The following MORC2 variants were observed in gnomAD, a reference collection of about 807,000 sequenced individuals.
The protein encoded by MORC2 is MORC family CW-type zinc finger 2, also known as ATPase MORC2.
A neutral mutation model predicts 136.0 loss-of-function variants in MORC2; 30 were observed. The ratio of observed to expected loss-of-function variants is 0.22; its 90% CI spans 0.17 to 0.30. MORC2 has a LOEUF of 0.30. Among genes scored for constraint, MORC2 ranks in the 10% least tolerant of loss-of-function variants. The pLI is 1.00. For synonymous variants in MORC2, 439 were observed against 487.0 expected (o/e 0.90, Z 1.30); for missense variants, 922 against 1,333.1 (o/e 0.69, Z 4.80).
intron 16 of MORC2, 42 bp downstream of exon 16, chr22:30,936,890 G>T (rs1245102554): frequency 6.4e-7 from 1 of 1,565,058 alleles, no homozygotes; most frequent in Non-Finnish European, 8.8e-7. Flanking sequence ...AGGGGCAGGG[G>T]AGAAAAGTAC....
rs748310325 is a variant in MORC2 at position 30,934,867 on chromosome 22, A to C, written c.2107T>G (p.Ser703Ala). 6 of 1,614,002 alleles carry C rather than the reference A, an allele frequency of 3.7e-6. No homozygotes were observed. In the South Asian group the frequency reaches 6.6e-5, roughly 18 times the overall value. Reference protein sequence around the residue: ...QQLSPSLLPNSKSPREVPSPK... With the variant: ...QQLSPSLLPNAKSPREVPSPK... ...GAAGGAACCTCCCGAGGGCTCTTGG[A>C]GTTGGGCAGTAAAGATGGTGACAGT... The change falls in exon 19 of 26, where the codon TCC becomes GCC. Residue 703 changes from serine to alanine, a missense_variant. This residue lies in a region of MORC2 where 184 missense variants were observed against 180.3 expected (regional missense o/e 1.02). Coordinates refer to ENST00000397641, the MANE Select transcript of MORC2 (RefSeq NM_001303256.3). This position sits in a 1 kb window ranked among gnomAD's most constrained non-coding sequence, Gnocchi z 4.4.
chr22:30,930,595 A>T (rs944717268), intron 24 of MORC2, among the ~76,000 whole-genome samples: 2 of 152,178 alleles, frequency 1.3e-5, no homozygotes, highest in African/African-American at 4.8e-5. Flanking sequence ...TTCATTTCAC[A>T]TTTTAAAAAG....
chr22:30,941,594 G>C lies in MORC2; in HGVS notation c.699-36C>G, dbSNP rs1569194929. The C allele has an allele frequency of 6.2e-7, 1 of 1,602,802 alleles. No homozygotes were observed. The highest frequency in any genetic ancestry group is 2.2e-5 in the East Asian group (1 of 44,566). ...CAAAAACAGAGAAGTGCTGTCACCT[G>C]CTCCACAACAGGCCTGACCAAGGGC... On this transcript the variant is annotated intron_variant, in intron 8 of 25. Transcript: ENST00000397641. This position sits in a 1 kb window ranked among gnomAD's most constrained non-coding sequence, Gnocchi z 4.6.
Position 30,957,761 on chromosome 22 carries a change from T to C in MORC2, c.122+880A>G, listed in dbSNP as rs549845393. On this transcript the variant is annotated intron_variant, in intron 2 of 25. Transcript: ENST00000397641. The stretch of plus-strand genomic sequence containing the variant: ...ACCAGGATTGAAACAAAACAGGAGT[T>C]TTCTGGTTAAACAACTAGCACACTT... Among the ~76,000 whole-genome samples the C allele has an allele frequency of 1.4e-3, 211 of 152,306 alleles. 1 individual carries two copies. Among genetic ancestry groups the C allele is most frequent in the African/African-American group, 4.8e-3 (199 of 41,570 alleles).
At position 30,933,447 on chromosome 22, in the gene MORC2, A is replaced by T; in HGVS notation, c.2380+19T>A. 1 of 1,613,176 alleles carries T rather than the reference A, an allele frequency of 6.2e-7. No individual in the cohort carries two copies. The highest frequency in any genetic ancestry group is 2.2e-5 in the East Asian group (1 of 44,814). On this transcript the variant is annotated intron_variant, in intron 21 of 25. Transcript: ENST00000397641. The stretch of plus-strand genomic sequence containing the variant: ...CTCCCACCCCCGCCACAGGCTGCCA[A>T]GTCACTCCCCCAGCTCACCTTTCTG...
chr22:30,952,420 G>A (rs555904184), intron 3 of MORC2, among the ~76,000 whole-genome samples: 8 of 152,342 alleles, frequency 5.3e-5, no homozygotes, highest in African/African-American at 1.9e-4. Context: ...TGTTAGGATA[G>A]AACTCTTAGG....
At chr22:30,957,570 C>T (rs2147305658) in intron 2 of MORC2, among the ~76,000 whole-genome samples, 1 of 152,292 alleles carries the variant, frequency 6.6e-6, no homozygotes, top group East Asian at 1.9e-4. Context: ...AATGTATACA[C>T]AAGTAGGAAT....
In MORC2 at chr22:30,934,629, C is replaced by T. The variant is rs574727234; in HGVS notation, c.2193+152G>A. On this transcript the variant is annotated intron_variant, in intron 19 of 25. Transcript: ENST00000397641. This position sits in a 1 kb window ranked among gnomAD's most constrained non-coding sequence, Gnocchi z 4.4. ...GCTGTCTGGCCCCAACAAGTCCGTTCAGCTATCAAGGCTTCCCGTCCTCAG... is the reference window on the plus strand; with the variant it reads ...GCTGTCTGGCCCCAACAAGTCCGTTTAGCTATCAAGGCTTCCCGTCCTCAG... The T allele has an allele frequency of 1.2e-4, 141 of 1,138,960 alleles. 1 individual carries two copies. The African/African-American group carries it at 2.0e-3, about 16-fold the overall frequency. 70.6% of individuals were successfully genotyped at this position (1,138,960 alleles called of 1,614,324 possible).
rs974313703 is a variant in MORC2, at chr22:30,941,773, T to A, written c.698+118A>T. On this transcript the variant is annotated intron_variant, in intron 8 of 25. Transcript: ENST00000397641. This position sits in a 1 kb window ranked among gnomAD's most constrained non-coding sequence, Gnocchi z 4.6. Reference sequence around the variant, plus strand: ...CACAGGCAACTGAGCTGGCCCTACATACTACCCTACCACAGAACACTGGGC... The same window carrying A: ...CACAGGCAACTGAGCTGGCCCTACAAACTACCCTACCACAGAACACTGGGC... 4.5e-5 allele frequency: 52 copies of A among 1,150,860 alleles called. No individual in the cohort carries two copies. Among genetic ancestry groups the A allele is most frequent in the Non-Finnish European group, 6.4e-5 (51 of 792,338 alleles). The allele number at this position is 1,150,860 out of a possible 1,614,324, so 71.3% of individuals were successfully genotyped here.
Position 30,928,046 on chromosome 22 carries a change from G to A in MORC2, c.3003C>T (p.Ile1001=), listed in dbSNP as rs751315289. The change falls in exon 25 of 26, where the codon ATC becomes ATT. Residue 1001 remains isoleucine, a synonymous_variant. Transcript: ENST00000397641. The part of the protein sequence containing the change: ...EEKLQKLRTN[I]VALLQKVQED... ...CCTGCACCTTTTGCAGGAGTGCCAC[G>A]ATGTTGGTCCTCAGCTTCTGCAGCT... The A allele has an allele frequency of 9.9e-6, 16 of 1,613,676 alleles. No individual in the cohort carries two copies. In the South Asian group the frequency reaches 1.5e-4, roughly 16 times the overall value.
rs773796930 is a variant in MORC2, at chr22:30,949,850, G to C, written c.227-8C>G. ...TCACACTGGCAGCATCACCTGAAAG[G>C]GCAGACACAAGAGAAAGTGAAAAGT... On this transcript the variant is annotated splice_polypyrimidine_tract_variant and splice_region_variant and intron_variant, in intron 4 of 25. Coordinates refer to ENST00000397641, the MANE Select transcript of MORC2 (RefSeq NM_001303256.3). The C allele has an allele frequency of 1.9e-6, 3 of 1,613,448 alleles. No individual in the cohort carries two copies. Among genetic ancestry groups the C allele is most frequent in the Non-Finnish European group, 2.5e-6 (3 of 1,179,580 alleles).
rs1343089998 is a variant in MORC2 at position 30,967,929 on chromosome 22, G to T, written c.-40C>A. 2.1e-6 allele frequency: 3 copies of T among 1,430,984 alleles called. No homozygotes were observed. Among genetic ancestry groups the T allele is most frequent in the South Asian group, 2.5e-5 (2 of 81,560 alleles). 88.6% of individuals were successfully genotyped at this position (1,430,984 alleles called of 1,614,324 possible). ...CTCCAGCCCTTCACCCGCTAACTGGGAAATATAACCTTATAATGATATCGA... is the reference window on the plus strand; with the variant it reads ...CTCCAGCCCTTCACCCGCTAACTGGTAAATATAACCTTATAATGATATCGA... On this transcript the variant is annotated 5_prime_UTR_variant, in exon 1 of 26. Transcript: ENST00000397641.
In MORC2 at chr22:30,958,630, A is replaced by G. The variant is rs1282189058; in HGVS notation, c.122+11T>C. 2.6e-6 allele frequency: 4 copies of G among 1,544,428 alleles called. No homozygotes were observed. In the African/African-American group the frequency reaches 5.5e-5, roughly 21 times the overall value. The stretch of plus-strand genomic sequence containing the variant: ...CTTCAAGCACAGATTGTATGCCTGA[A>G]GACTACATACCTTGCATTATCAACC... On this transcript the variant is annotated intron_variant, in intron 2 of 25. Coordinates refer to ENST00000397641, the MANE Select transcript of MORC2 (RefSeq NM_001303256.3).
intron 1 of MORC2, among the ~76,000 whole-genome samples, chr22:30,962,128 G>A (rs1279751335): frequency 2.0e-5 from 3 of 151,612 alleles, no homozygotes; most frequent in Non-Finnish European, 4.4e-5. Flanking sequence ...AACCCGGGAG[G>A]TAGAGGTTGC....
At chr22:30,967,783 A>G (rs746455981) in intron 1 of MORC2, 39 bp downstream of exon 1, 113 of 1,549,764 alleles carry the variant, frequency 7.3e-5, no homozygotes, top group Non-Finnish European at 9.2e-5. Context: ...TCAAGGAACG[A>G]GTTACTGGTT....
At chr22:30,956,006 C>CAAA (rs576674402) in intron 3 of MORC2, among the ~76,000 whole-genome samples, 5 of 51,522 alleles carry the variant, frequency 9.7e-5, no homozygotes, top group Non-Finnish European at 1.2e-4. Flanking sequence ...GACTCCATCT[C>CAAA]AAAAAAAAAA....
intron 3 of MORC2, among the ~76,000 whole-genome samples, chr22:30,954,779 G>T (rs7291471): frequency 0.26 from 39,343 of 151,908 alleles, 5,454 homozygotes; most frequent in East Asian, 0.5. Flanking sequence ...TGACCATTAC[G>T]ATTTGTACCT....
rs2147252673 is a variant in MORC2 at position 30,936,521 on chromosome 22, T to G, written c.1727A>C (p.Glu576Ala). Residue 576 changes from glutamate (E) to alanine (A), a missense_variant, in exon 17 of 26, where the codon GAG becomes GCG. Glu to Ala is a moderately radical substitution (Grantham distance 107). Around this residue, in one of 9 missense-constraint regions of MORC2, gnomAD observed 119 missense variants for 202.7 expected, o/e 0.59. Coordinates refer to ENST00000397641, the MANE Select transcript of MORC2 (RefSeq NM_001303256.3). ...EKIRQQQEKL[E>A]ALQKTTPIRS... ...CCATGACCCACGTACCTGAAGGGCC[T>G]CCAGCTTCTCCTGCTGCTGGCGAAT... The G allele has an allele frequency of 1.2e-6, 2 of 1,614,188 alleles. No individual in the cohort carries two copies. The highest frequency in any genetic ancestry group is 2.2e-5 in the South Asian group (2 of 91,080).
At chr22:30,929,507 G>A (rs1410709941) in intron 24 of MORC2, among the ~76,000 whole-genome samples, 1 of 151,986 alleles carries the variant, frequency 6.6e-6, no homozygotes, top group African/African-American at 2.4e-5. Flanking sequence ...CCAGCACTTT[G>A]GGAGGCCGAG....
Sources: allele counts gnomAD v4.1 joint callset (sites outside exome capture counted in the v4.1 genomes callset), GRCh38; gene constraint gnomAD v4.1.1; regional missense constraint gnomAD v4.1.1; non-coding constraint Gnocchi (gnomAD v3.1); transcripts MANE v1.5; gene names NCBI Gene and HGNC (gene_info 2026-07-23, HGNC 2026-07-21).